The following SPOCK1 variants were observed in gnomAD, a reference collection of about 807,000 sequenced individuals.
SPOCK1 encodes testican-1.
In SPOCK1, 23 loss-of-function variants were observed where a neutral mutation model predicts 55.3. That is an observed-to-expected ratio of 0.42 (90% CI 0.30 to 0.59). The LOEUF is 0.59. Ranked by LOEUF, SPOCK1 falls within the 20% of genes least tolerant of loss-of-function variation. The pLI is 0.22. For synonymous variants in SPOCK1, 226 were observed against 221.0 expected, an observed-to-expected ratio of 1.02 and a Z score of -0.20; for missense variants, 499 against 552.5, an observed-to-expected ratio of 0.90 and a Z score of 0.97.
intron 5 of SPOCK1, among the ~76,000 whole-genome samples, chr5:137,076,335 T>C (rs1437535159): frequency 6.6e-6 from 1 of 152,238 alleles, no homozygotes; most frequent in Admixed American, 6.5e-5. Flanking sequence ...ATAGTATCTT[T>C]GACTAGAGCC....
Position 137,142,570 on chromosome 5 carries a change from C to G in SPOCK1, c.233-1876G>C, listed in dbSNP as rs1434655. ...AGAGTCTACTCCCCAAGGGATGTGA[C>G]TCTGATACTTGGAGCTTAGCAGAAA... On this transcript the variant is annotated intron_variant, in intron 3 of 10. Transcript: ENST00000394945. Among the ~76,000 whole-genome samples, 543 of 152,322 alleles carry G rather than the reference C, an allele frequency of 3.6e-3. 2 individuals are homozygous for G. Among genetic ancestry groups the G allele is most frequent in the African/African-American group, 0.013 (527 of 41,570 alleles).
chr5:137,397,264 G>C (rs1253599349), intron 2 of SPOCK1, among the ~76,000 whole-genome samples: 1 of 152,184 alleles, frequency 6.6e-6, no homozygotes, highest in East Asian at 1.9e-4. Flanking sequence ...TCCAAGAAGT[G>C]AGTGGAGCCA....
chr5:137,088,048 C>A (rs911736904), intron 5 of SPOCK1, among the ~76,000 whole-genome samples: 21 of 152,284 alleles, frequency 1.4e-4, no homozygotes, highest in African/African-American at 4.6e-4. Context: ...AATAACCCAG[C>A]TTGTCAGGTC....
At chr5:137,284,957 C>T (rs1231382829) in intron 2 of SPOCK1, among the ~76,000 whole-genome samples, 2 of 152,160 alleles carry the variant, frequency 1.3e-5, no homozygotes, top group Admixed American at 6.5e-5. Context: ...GCAGAAGTCT[C>T]GCTCATACAG....
At chr5:137,299,211 G>A (rs1231087701) in intron 2 of SPOCK1, among the ~76,000 whole-genome samples, 1 of 151,970 alleles carries the variant, frequency 6.6e-6, no homozygotes, top group East Asian at 1.9e-4. Flanking sequence ...AGTTCCTGTT[G>A]TACTACTTAA....
chr5:137,076,607 T>TAAAAAAAAAAAAAA, intron 5 of SPOCK1, among the ~76,000 whole-genome samples: 1 of 112,668 alleles, frequency 8.9e-6, no homozygotes, highest in Non-Finnish European at 1.9e-5. Context: ...GGACTGAAAG[T>TAAAAAAAAAAAAAA]AAAAAAAAAA....
chr5:137,380,404 T>A (rs1474848711), intron 2 of SPOCK1, among the ~76,000 whole-genome samples: 1 of 152,234 alleles, frequency 6.6e-6, no homozygotes, highest in East Asian at 1.9e-4. Flanking sequence ...TGTATGAGTG[T>A]GAGCTTCTGA....
At chr5:137,270,907 C>G (rs901737995) in intron 2 of SPOCK1, among the ~76,000 whole-genome samples, 1 of 152,230 alleles carries the variant, frequency 6.6e-6, no homozygotes, top group African/African-American at 2.4e-5. Flanking sequence ...GAGGCTGAGA[C>G]AGGAGAGTCG....
chr5:137,042,086 G>A (rs1018540998), intron 6 of SPOCK1, among the ~76,000 whole-genome samples: 4 of 151,996 alleles, frequency 2.6e-5, no homozygotes, highest in African/African-American at 9.7e-5. Context: ...AACAAACTAT[G>A]AAACATCCAT....
intron 4 of SPOCK1, among the ~76,000 whole-genome samples, chr5:137,131,386 G>T: frequency 6.6e-6 from 1 of 152,278 alleles, no homozygotes; most frequent in East Asian, 1.9e-4. Flanking sequence ...GAGATGGGCA[G>T]ATCACAAGGT....
intron 3 of SPOCK1, among the ~76,000 whole-genome samples, chr5:137,195,136 T>C (rs17171066): frequency 4.6e-5 from 7 of 152,182 alleles, no homozygotes; most frequent in Non-Finnish European, 8.8e-5. Flanking sequence ...CAATGTAAAA[T>C]GACCCTCTTA....
chr5:137,130,786 G>A (rs1351002030), intron 4 of SPOCK1, among the ~76,000 whole-genome samples: 1 of 152,242 alleles, frequency 6.6e-6, no homozygotes, highest in African/African-American at 2.4e-5. Flanking sequence ...AAGCCAGGCT[G>A]AGAGGAGAAC....
chr5:136,988,302 GGAAT>G, intron 8 of SPOCK1, 116 bp downstream of exon 8: 1 of 745,036 alleles, frequency 1.3e-6, no homozygotes, highest in Non-Finnish European at 2.2e-6. Context: ...GGCATTAAAT[GGAAT>G]GAATTATTTA....
rs1227492554 is a variant in SPOCK1 at position 137,092,134 on chromosome 5, A to C, written c.474+20301T>G. ...AATTTCTCTGTGTCAGGCATTGTAC[A>C]AGATTCTGAGGATAAAGCAGTAAGC... On this transcript the variant is annotated intron_variant, in intron 5 of 10. Coordinates refer to ENST00000394945, the MANE Select transcript of SPOCK1 (RefSeq NM_004598.4). Among the ~76,000 whole-genome samples the C allele has an allele frequency of 3.9e-5, 6 of 152,200 alleles. No individual in the cohort carries two copies. In the East Asian group the frequency reaches 1.2e-3, roughly 29 times the overall value.
chr5:137,043,982 G>T (rs1250595406), intron 6 of SPOCK1, among the ~76,000 whole-genome samples: 3 of 151,906 alleles, frequency 2.0e-5, no homozygotes, highest in African/African-American at 7.3e-5. Context: ...ATGGGTGCAG[G>T]GTATCTGGGA....
At chr5:137,245,257 T>C (rs1756372367) in intron 3 of SPOCK1, among the ~76,000 whole-genome samples, 1 of 148,946 alleles carries the variant, frequency 6.7e-6, no homozygotes, top group Non-Finnish European at 1.5e-5. Context: ...GATGCCAGTA[T>C]TAAAAAAATC....
intron 3 of SPOCK1, among the ~76,000 whole-genome samples, chr5:137,256,222 A>C (rs1390473030): frequency 6.6e-6 from 1 of 151,350 alleles, no homozygotes; most frequent in Non-Finnish European, 1.5e-5. Flanking sequence ...CCCTCTTTTA[A>C]AGGCTAAACC....
intron 2 of SPOCK1, among the ~76,000 whole-genome samples, chr5:137,390,454 G>C (rs1393647223): frequency 6.6e-6 from 1 of 152,058 alleles, no homozygotes; most frequent in African/African-American, 2.4e-5. Flanking sequence ...ATTTTAATAG[G>C]AACACCATCT....
chr5:137,193,923 A>G (rs1222560757), intron 3 of SPOCK1, among the ~76,000 whole-genome samples: 1 of 152,134 alleles, frequency 6.6e-6, no homozygotes, highest in African/African-American at 2.4e-5. Flanking sequence ...GGAAAGGCAG[A>G]TTTAATAGTG....
Sources: allele counts gnomAD v4.1 joint callset (sites outside exome capture counted in the v4.1 genomes callset), GRCh38; gene constraint gnomAD v4.1.1; transcripts MANE v1.5; gene names NCBI Gene and HGNC (gene_info 2026-07-23, HGNC 2026-07-21).